GALK2: variants seen among roughly 807,000 people sequenced by gnomAD.
The protein encoded by GALK2 is N-acetylgalactosamine kinase.
GALK2 carries 36 observed loss-of-function variants against 52.4 expected under a neutral mutation model. The ratio of observed to expected loss-of-function variants is 0.69; its 90% CI spans 0.53 to 0.91. GALK2 has a LOEUF of 0.91. Ranked by LOEUF, GALK2 falls within the 40% of genes least tolerant of loss-of-function variation. GALK2 has a pLI of 0.00. For missense variants in GALK2, 579 were observed against 559.1 expected (o/e 1.04, Z -0.36); for synonymous variants, 176 against 199.1 (o/e 0.88, Z 0.98).
intron 3 of GALK2, among the ~76,000 whole-genome samples, chr15:49,230,553 T>C (rs1024289468): frequency 1.3e-5 from 2 of 149,358 alleles, no homozygotes; most frequent in African/African-American, 5.2e-5. Flanking sequence ...ATTTTGGTTC[T>C]TCTTTATGGA....
At chr15:49,315,822 G>A (rs1305925350) in intron 8 of GALK2, among the ~76,000 whole-genome samples, 1 of 152,122 alleles carries the variant, frequency 6.6e-6, no homozygotes, top group African/African-American at 2.4e-5. Context: ...GGATTGTGAG[G>A]TTCTGGTAGT....
intron 5 of GALK2, among the ~76,000 whole-genome samples, chr15:49,264,653 T>G (rs1042172116): frequency 6.6e-6 from 1 of 152,136 alleles, no homozygotes; most frequent in African/African-American, 2.4e-5. Context: ...GGCGCTCTGC[T>G]TTTTAGAGTT....
chr15:49,284,294 G>A (rs2033094912), intron 7 of GALK2, among the ~76,000 whole-genome samples: 1 of 152,076 alleles, frequency 6.6e-6, no homozygotes, highest in Non-Finnish European at 1.5e-5. Flanking sequence ...TAGTTCTAGC[G>A]GCATGAAGAT....
chr15:49,270,471 C>T (rs2030325322), intron 5 of GALK2, among the ~76,000 whole-genome samples: 1 of 152,188 alleles, frequency 6.6e-6, no homozygotes. Context: ...TCTGCAATGT[C>T]TGAAAACAAA....
chr15:49,305,779 G>C (rs1179547938), intron 8 of GALK2, among the ~76,000 whole-genome samples: 4 of 152,200 alleles, frequency 2.6e-5, no homozygotes, highest in East Asian at 3.9e-4. Context: ...TCTGATAAAG[G>C]GGGGAAGGTT....
intron 7 of GALK2, among the ~76,000 whole-genome samples, chr15:49,285,448 C>T (rs760599115): frequency 1.3e-5 from 2 of 152,020 alleles, no homozygotes; most frequent in African/African-American, 2.4e-5. Context: ...TCTTCAAGGC[C>T]TTGGCCTTGG....
intron 3 of GALK2, among the ~76,000 whole-genome samples, chr15:49,351,849 G>C (rs1206931389): frequency 6.6e-6 from 1 of 152,214 alleles, no homozygotes; most frequent in African/African-American, 2.4e-5. Flanking sequence ...TTAGTCAGTG[G>C]ATGTGGGCTA....
rs79958737 is a variant in GALK2 at position 49,330,776 on chromosome 15, T to C, written c.*2617T>C. 9,037 of 151,740 alleles carry C rather than the reference T, an allele frequency of 0.06. 538 individuals carry two copies. Among genetic ancestry groups the C allele is most frequent in the African/African-American group, 0.15 (6,007 of 41,322 alleles). 9.4% of individuals were successfully genotyped at this position (151,740 alleles called of 1,614,324 possible). On this transcript the variant is annotated 3_prime_UTR_variant, in exon 10 of 10. Coordinates refer to ENST00000560031, the MANE Select transcript of GALK2 (RefSeq NM_002044.4). ...AAAAAAAAGAGAGAAAGAATGAATA[T>C]TTTTGTGTGTGGATGTAAAAAATAG...
At chr15:49,308,644 A>G (rs943805295) in intron 8 of GALK2, among the ~76,000 whole-genome samples, 1 of 152,210 alleles carries the variant, frequency 6.6e-6, no homozygotes, top group Admixed American at 6.5e-5. Context: ...AACTCGCTGC[A>G]TAAAGAATGA....
intron 3 of GALK2, among the ~76,000 whole-genome samples, chr15:49,229,347 C>T (rs1335156370): frequency 2.6e-5 from 4 of 152,144 alleles, no homozygotes; most frequent in South Asian, 2.1e-4. Flanking sequence ...CCTTGGACCC[C>T]TGGGTAGTTA....
chr15:49,335,830 A>C (rs538329406), downstream of GALK2, among the ~76,000 whole-genome samples: 1 of 152,358 alleles, frequency 6.6e-6, no homozygotes, highest in Non-Finnish European at 1.5e-5. Flanking sequence ...AAAATATTAA[A>C]AATGTACCAA....
intron 1 of GALK2, among the ~76,000 whole-genome samples, chr15:49,195,850 G>A (rs1328374920): frequency 6.6e-6 from 1 of 151,756 alleles, no homozygotes; most frequent in Non-Finnish European, 1.5e-5. Context: ...TTAATGTTAG[G>A]TAGAAAGGGG....
chr15:49,181,079 C>T, intron 1 of GALK2, among the ~76,000 whole-genome samples: 1 of 115,520 alleles, frequency 8.7e-6, no homozygotes, highest in African/African-American at 3.3e-5. Flanking sequence ...CCTTCCTTTT[C>T]TTTCCTTCCT....
chr15:49,259,104 T>G (rs990193465), intron 5 of GALK2, among the ~76,000 whole-genome samples: 1 of 151,680 alleles, frequency 6.6e-6, no homozygotes, highest in Non-Finnish European at 1.5e-5. Flanking sequence ...CATATATATA[T>G]ATGTATACTA....
At chr15:49,167,605 C>T (rs1378196260), upstream of GALK2, among the ~76,000 whole-genome samples, 1 of 152,170 alleles carries the variant, frequency 6.6e-6, no homozygotes, top group Non-Finnish European at 1.5e-5. Context: ...GTGATCTGCC[C>T]ACCTTGGCCT....
In GALK2 at chr15:49,328,172, A is replaced by C. The variant is rs2037860895; in HGVS notation, c.*13A>C. On this transcript the variant is annotated 3_prime_UTR_variant, in exon 10 of 10. Transcript: ENST00000560031. ...GCTTGAGGCCTGAAAAAATGTAAAA[A>C]GTCTGAGAGAAACTACTTAGGGCAC... The C allele has an allele frequency of 6.2e-7, 1 of 1,608,188 alleles. No homozygotes were observed. The highest frequency in any genetic ancestry group is 8.5e-7 in the Non-Finnish European group (1 of 1,176,842).
At chr15:49,168,971 A>G (rs915659213), upstream of GALK2, 3 of 153,832 alleles carry the variant, frequency 2.0e-5, no homozygotes, top group Admixed American at 2.0e-4. Flanking sequence ...AGCTGCCCTG[A>G]GACCAGAGTA....
At chr15:49,168,308 AT>A (rs563668311), upstream of GALK2, among the ~76,000 whole-genome samples, 24 of 151,532 alleles carry the variant, frequency 1.6e-4, no homozygotes, top group African/African-American at 4.8e-4. Context: ...TTCTACAGTC[AT>A]TTTTTTTTAA....
rs1218012025 is a variant in GALK2 at position 49,329,692 on chromosome 15, A to T, written c.*1533A>T. 4 of 976,802 alleles carry T rather than the reference A, an allele frequency of 4.1e-6. No individual in the cohort carries two copies. The highest frequency in any genetic ancestry group is 4.9e-6 in the Non-Finnish European group (4 of 822,202). 60.5% of individuals were successfully genotyped at this position (976,802 alleles called of 1,614,324 possible). A position where few individuals can be genotyped will look rare whatever the true frequency, so the allele number is the denominator to read the frequency against. ...GAATTTTGAGTTCTATAAATCCAAAAATCTGAAACCTGAATTTATTTAAAT... is the reference window on the plus strand; with the variant it reads ...GAATTTTGAGTTCTATAAATCCAAATATCTGAAACCTGAATTTATTTAAAT... On this transcript the variant is annotated 3_prime_UTR_variant, in exon 10 of 10. Transcript: ENST00000560031.
Sources: gnomAD v4.1 joint callset for allele counts (sites outside exome capture counted in the v4.1 genomes callset) on GRCh38, gnomAD v4.1.1 for gene constraint, MANE v1.5 for transcripts, NCBI Gene and HGNC (gene_info 2026-07-23, HGNC 2026-07-21) for gene names.